ABCE1: variants seen among roughly 807,000 people sequenced by gnomAD.
The protein encoded by ABCE1 is ATP-binding cassette sub-family E member 1.
ABCE1 carries 22 observed loss-of-function variants against 83.4 expected under a neutral mutation model. The observed-to-expected ratio is 0.26, with a 90% CI of 0.19 to 0.38. The LOEUF (loss-of-function observed/expected upper bound fraction) is 0.38, where lower values mean the gene tolerates loss of function less well. ABCE1 is among the 10% of genes least tolerant of loss of function. The probability of loss-of-function intolerance (pLI) is 1.00; values close to 1 mark genes in which losing one functional copy is unlikely to be tolerated. For missense variants in ABCE1, 330 were observed against 721.9 expected (o/e 0.46, Z 6.22); for synonymous variants, 204 against 233.7 (o/e 0.87, Z 1.16).
Position 145,127,687 on chromosome 4 carries a change from T to C in ABCE1, c.*114T>C. 1 of 732,572 alleles carries C rather than the reference T, an allele frequency of 1.4e-6. No individual in the cohort carries two copies. The highest frequency in any genetic ancestry group is 2.1e-6 in the Non-Finnish European group (1 of 476,360). The allele number at this position is 732,572 out of a possible 1,614,324, so 45.4% of individuals were successfully genotyped here. ...GCCCCACATACTCTGGAACTTGAAG[T>C]ATAATATACTTAATATAACATAAAA... is the stretch of plus-strand genomic sequence containing the variant. On this transcript the variant is annotated 3_prime_UTR_variant, in exon 18 of 18. Coordinates refer to ENST00000296577, the MANE Select transcript of ABCE1 (RefSeq NM_002940.3).
chr4:145,110,042 C>A, intron 5 of ABCE1, 61 bp from the exon 6 acceptor site: 1 of 1,392,522 alleles, frequency 7.2e-7, no homozygotes, highest in Non-Finnish European at 9.7e-7. Flanking sequence ...CTGTAGCATT[C>A]ATCCTCTTTG....
In ABCE1 at chr4:145,123,191, G is replaced by A. The variant is rs185653180; in HGVS notation, c.1375-24G>A. The A allele has an allele frequency of 8.2e-6, 13 of 1,593,892 alleles. No individual in the cohort carries two copies. The East Asian group carries it at 2.0e-4, about 25-fold the overall frequency. On this transcript the variant is annotated intron_variant, in intron 14 of 17. Coordinates refer to ENST00000296577, the MANE Select transcript of ABCE1 (RefSeq NM_002940.3). ...TTTTGAATTTTGGATGCCTTTACAT[G>A]GTTTGCTAAACTCCTCCAATTAGGT...
rs1749702252 is a variant in ABCE1, at chr4:145,120,101, T to C, written c.1092T>C (p.Ile364=). The change falls in exon 11 of 18, where the codon ATT becomes ATC. Residue 364 remains isoleucine, a synonymous_variant. Coordinates refer to ENST00000296577, the MANE Select transcript of ABCE1 (RefSeq NM_002940.3). The part of the protein sequence containing the change: ...KKKMGEFELA[I]VAGEFTDSEI... ...AAATGGGAGAATTTGAGCTAGCAAT[T>C]GTAGCTGGAGAGTTTACAGATTCTG... is the stretch of plus-strand genomic sequence containing the variant. 1 of 1,612,214 alleles carries C rather than the reference T, an allele frequency of 6.2e-7. No homozygotes were observed. Among genetic ancestry groups the C allele is most frequent in the Non-Finnish European group, 8.5e-7 (1 of 1,179,250 alleles).
chr4:145,105,177 G>A (rs1311133064), intron 2 of ABCE1, among the ~76,000 whole-genome samples: 1 of 151,972 alleles, frequency 6.6e-6, no homozygotes, highest in Non-Finnish European at 1.5e-5. Context: ...TTAGATGACT[G>A]CATACCTTTT....
rs1476500117 is a variant in ABCE1 at position 145,123,008 on chromosome 4, A to G, written c.1264-13A>G. The stretch of plus-strand genomic sequence containing the variant: ...AAGTTTATCATTTAAATACTTTTTT[A>G]TATTAAAAACAGGGAAGTGTTCGCC... On this transcript the variant is annotated splice_polypyrimidine_tract_variant and intron_variant, in intron 13 of 17. Transcript: ENST00000296577. 1.2e-5 allele frequency: 18 copies of G among 1,504,622 alleles called. No homozygotes were observed. The highest frequency in any genetic ancestry group is 1.6e-5 in the Non-Finnish European group (18 of 1,109,790). The allele number at this position is 1,504,622 out of a possible 1,614,324, so 93.2% of individuals were successfully genotyped here.
chr4:145,121,243 T>A lies in ABCE1; in HGVS notation c.1204+10T>A, dbSNP rs1749735486. 5.0e-6 allele frequency: 8 copies of A among 1,613,722 alleles called. No individual in the cohort carries two copies. The highest frequency in any genetic ancestry group is 6.8e-6 in the Non-Finnish European group (8 of 1,179,860). ...AAACCTGATGAAGGAGGTACATTTG[T>A]AACTGTTGAGTCTTTTTACTCTGTT... On this transcript the variant is annotated intron_variant, in intron 12 of 17. Transcript: ENST00000296577.
At chr4:145,110,276 G>A in intron 6 of ABCE1, 36 bp downstream of exon 6, 1 of 1,598,542 alleles carries the variant, frequency 6.3e-7, no homozygotes, top group East Asian at 2.2e-5. Flanking sequence ...ACGGATATTA[G>A]TAGAAGTATA....
chr4:145,107,929 C>T, intron 3 of ABCE1, 86 bp from the exon 4 acceptor site: 1 of 991,556 alleles, frequency 1.0e-6, no homozygotes, highest in Non-Finnish European at 1.5e-6. Context: ...TAGAAGATTG[C>T]TTATAAAAAT....
rs776257863 is a variant in ABCE1, at chr4:145,110,195, C to G, written c.498C>G (p.Ala166=). 5.6e-6 allele frequency: 9 copies of G among 1,607,184 alleles called. 1 individual carries two copies. The South Asian group carries it at 9.0e-5, about 16-fold the overall frequency. Residue 166 remains alanine (A), a synonymous_variant, in exon 6 of 18, where the codon GCC becomes GCG. Coordinates refer to ENST00000296577, the MANE Select transcript of ABCE1 (RefSeq NM_002940.3). ...AGATTCTAGAAGATGACCTAAAAGC[C>G]ATCATCAAACCTCAATATGTAGACC... ...FTKILEDDLK[A]IIKPQYVDQI...
At chr4:145,113,270 T>A (rs1467181297) in intron 9 of ABCE1, among the ~76,000 whole-genome samples, 1 of 152,208 alleles carries the variant, frequency 6.6e-6, no homozygotes, top group Non-Finnish European at 1.5e-5. Flanking sequence ...TGTCTATCAT[T>A]GCACGGAAAT....
chr4:145,126,388 G>A (rs946819413), intron 17 of ABCE1, among the ~76,000 whole-genome samples: 41 of 152,058 alleles, frequency 2.7e-4, no homozygotes, highest in African/African-American at 7.2e-4. Context: ...TCTGCCTCCC[G>A]AGTTCAAGCA....
At chr4:145,110,905 A>G in intron 7 of ABCE1, 63 bp from the exon 8 acceptor site, 1 of 1,028,508 alleles carries the variant, frequency 9.7e-7, no homozygotes, top group Non-Finnish European at 1.5e-6. Context: ...GATGACATGC[A>G]GTATACTTTT....
intron 13 of ABCE1, chr4:145,122,020 T>A (rs549779105): frequency 1.3e-5 from 2 of 152,270 alleles, no homozygotes; most frequent in African/African-American, 4.8e-5. Flanking sequence ...ACATCATATA[T>A]CCAATAAAGG....
At chr4:145,116,638 TG>T (rs1344066278) in intron 9 of ABCE1, among the ~76,000 whole-genome samples, 2 of 151,934 alleles carry the variant, frequency 1.3e-5, no homozygotes, top group Admixed American at 1.3e-4. Context: ...GACTATTACT[TG>T]CGTCTAAAAC....
At position 145,110,400 on chromosome 4, in the gene ABCE1, G is replaced by A. The variant is rs1168123937; in HGVS notation, c.569G>A (p.Arg190Gln). The A allele has an allele frequency of 1.4e-5, 22 of 1,612,108 alleles. No individual in the cohort carries two copies. Among genetic ancestry groups the A allele is most frequent in the African/African-American group, 2.7e-5 (2 of 74,838 alleles). Reference sequence around the variant, plus strand: ...GGGACAGTGGGATCTATTTTGGACCGAAAAGATGAAACAAAGACACAGGCA... The same window carrying A: ...GGGACAGTGGGATCTATTTTGGACCAAAAAGATGAAACAAAGACACAGGCA... ...AKGTVGSILD[R>Q]KDETKTQAIV... is the part of the protein sequence containing the mutation. Residue 190 changes from arginine to glutamine, a missense_variant, in exon 7 of 18, where the codon CGA (arginine) becomes CAA (glutamine). By Grantham distance (43) the Arg-to-Gln change is conservative. Coordinates refer to ENST00000296577, the MANE Select transcript of ABCE1 (RefSeq NM_002940.3).
chr4:145,123,841 G>A lies in ABCE1; in HGVS notation c.1640+241G>A, dbSNP rs530870117. 26 of 286,268 alleles carry A rather than the reference G, an allele frequency of 9.1e-5. No individual in the cohort carries two copies. In the East Asian group the frequency reaches 1.5e-3, roughly 16 times the overall value. The allele number at this position is 286,268 out of a possible 1,614,324, so 17.7% of individuals were successfully genotyped here. Reference sequence around the variant, plus strand: ...TGTAGGCCACAGCATAAAAAGCTGTGGGCCCCTCACCTTTTCTCAGCTTAA... The same window carrying A: ...TGTAGGCCACAGCATAAAAAGCTGTAGGCCCCTCACCTTTTCTCAGCTTAA... On this transcript the variant is annotated intron_variant, in intron 16 of 17. Transcript: ENST00000296577.
chr4:145,108,409 A>C (rs144141784), intron 4 of ABCE1, among the ~76,000 whole-genome samples: 168 of 152,274 alleles, frequency 1.1e-3, no homozygotes, highest in African/African-American at 3.9e-3. Flanking sequence ...TCTAATATAC[A>C]ACTGGGACTG....
At chr4:145,100,968 A>C (rs1314856408) in intron 1 of ABCE1, among the ~76,000 whole-genome samples, 2 of 152,188 alleles carry the variant, frequency 1.3e-5, no homozygotes, top group Non-Finnish European at 2.9e-5. Context: ...GATGGAGTAC[A>C]TTCTACTTGG....
intron 10 of ABCE1, among the ~76,000 whole-genome samples, chr4:145,119,304 C>T (rs1170905090): frequency 6.6e-6 from 1 of 151,826 alleles, no homozygotes; most frequent in Non-Finnish European, 1.5e-5. Flanking sequence ...GTGTGTCTGC[C>T]ATTGTAGATC....
Sources: allele counts gnomAD v4.1 joint callset (sites outside exome capture counted in the v4.1 genomes callset), GRCh38; gene constraint gnomAD v4.1.1; transcripts MANE v1.5; gene names NCBI Gene and HGNC (gene_info 2026-07-23, HGNC 2026-07-21).